MTHFD1L: variants seen among roughly 807,000 people sequenced by gnomAD.
MTHFD1L encodes the protein methylenetetrahydrofolate dehydrogenase (NADP+ dependent) 1 like.
Under a neutral mutation model 119.5 loss-of-function variants are expected in MTHFD1L, and 81 were observed. The observed-to-expected ratio is 0.68, with a 90% CI of 0.57 to 0.82. MTHFD1L has a LOEUF of 0.82. Among genes scored for constraint, MTHFD1L ranks in the 40% least tolerant of loss-of-function variants. The probability of loss-of-function intolerance (pLI) is 0.00; values close to 1 mark genes in which losing one functional copy is unlikely to be tolerated. For synonymous variants in MTHFD1L, 430 were observed against 475.2 expected (o/e 0.90, Z 1.24); for missense variants, 1,125 against 1,253.4 (o/e 0.90, Z 1.55).
At chr6:151,013,905 G>T in intron 22 of MTHFD1L, 85 bp downstream of exon 22, 1 of 1,190,314 alleles carries the variant, frequency 8.4e-7, no homozygotes, top group Non-Finnish European at 1.2e-6. Flanking sequence ...CCCTCCTTCA[G>T]TGGCCTCTTA....
rs144686255 is a variant in MTHFD1L at position 150,940,082 on chromosome 6, T to G, written c.1440+1337T>G. On this transcript the variant is annotated intron_variant, in intron 13 of 27. Transcript: ENST00000367321. ...CCTCTTTACCCAGTTTAGTCAAGGT[T>G]TTTTGTCAAGGTTCTTCTCTACCCC... Among the ~76,000 whole-genome samples the G allele has an allele frequency of 8.5e-5, 13 of 152,258 alleles. 1 individual carries two copies. In the East Asian group the frequency reaches 2.3e-3, roughly 27 times the overall value.
intron 8 of MTHFD1L, among the ~76,000 whole-genome samples, chr6:150,909,490 G>A (rs111997673): frequency 1.8e-4 from 27 of 152,044 alleles, no homozygotes; most frequent in African/African-American, 6.3e-4. Context: ...TAGTCCTCCC[G>A]CCTCCACCTC....
chr6:150,884,553 T>G (rs1224848232), intron 5 of MTHFD1L, among the ~76,000 whole-genome samples: 1 of 152,076 alleles, frequency 6.6e-6, no homozygotes, highest in Non-Finnish European at 1.5e-5. Flanking sequence ...TGAGAAAACT[T>G]TCAGAACTTG....
At chr6:150,994,468 G>C (rs747156468) in intron 20 of MTHFD1L, among the ~76,000 whole-genome samples, 15 of 148,800 alleles carry the variant, frequency 1.0e-4, no homozygotes, top group Admixed American at 2.0e-4. Flanking sequence ...CAGTTCAAGA[G>C]GTTTTCCTAG....
intron 26 of MTHFD1L, among the ~76,000 whole-genome samples, chr6:151,087,129 A>G (rs1281870287): frequency 6.6e-6 from 1 of 151,990 alleles, no homozygotes; most frequent in East Asian, 1.9e-4. Flanking sequence ...GGCACCTGTA[A>G]TCCCAGCTAT....
chr6:151,004,837 A>G (rs1781162216), intron 20 of MTHFD1L, among the ~76,000 whole-genome samples: 1 of 152,362 alleles, frequency 6.6e-6, no homozygotes, highest in East Asian at 1.9e-4. Context: ...AATAGCTGTA[A>G]CAAAAGGGAA....
At chr6:150,981,806 C>A (rs139273752) in intron 20 of MTHFD1L, among the ~76,000 whole-genome samples, 9 of 152,272 alleles carry the variant, frequency 5.9e-5, no homozygotes, top group African/African-American at 1.7e-4. Flanking sequence ...TAAAAGGTGG[C>A]CAGGCACAGT....
intron 18 of MTHFD1L, among the ~76,000 whole-genome samples, chr6:150,960,776 C>T (rs1796326517): frequency 6.6e-6 from 1 of 152,118 alleles, no homozygotes; most frequent in Non-Finnish European, 1.5e-5. Context: ...AAATTGAGGG[C>T]AAATCACCTT....
intron 20 of MTHFD1L, among the ~76,000 whole-genome samples, chr6:151,000,943 G>C (rs1333217336): frequency 6.6e-6 from 1 of 152,180 alleles, no homozygotes; most frequent in Non-Finnish European, 1.5e-5. Flanking sequence ...TTTGTTGTGA[G>C]GAAGCAAAGT....
chr6:151,000,774 A>T (rs1380217612), intron 20 of MTHFD1L, among the ~76,000 whole-genome samples: 1 of 152,190 alleles, frequency 6.6e-6, no homozygotes, highest in East Asian at 1.9e-4. Flanking sequence ...GCCATTGAAT[A>T]AACATGTTTA....
chr6:151,032,684 C>T (rs1785515586), intron 24 of MTHFD1L, among the ~76,000 whole-genome samples: 1 of 152,200 alleles, frequency 6.6e-6, no homozygotes, highest in Non-Finnish European at 1.5e-5. Flanking sequence ...GACGTCTGTA[C>T]AGTGTTAAGT....
At chr6:150,975,116 A>T (rs1485726666) in intron 20 of MTHFD1L, among the ~76,000 whole-genome samples, 2 of 152,196 alleles carry the variant, frequency 1.3e-5, no homozygotes, top group Non-Finnish European at 2.9e-5. Flanking sequence ...CTCATCCTAC[A>T]TTGGACATTT....
chr6:151,039,492 A>G lies in MTHFD1L; in HGVS notation c.2847+2375A>G, dbSNP rs149173409. Among the ~76,000 whole-genome samples, 3,834 of 152,260 alleles carry G rather than the reference A, an allele frequency of 0.025. 107 individuals are homozygous for G. Among genetic ancestry groups the G allele is most frequent in the Admixed American group, 0.092 (1,400 of 15,286 alleles). ...TGGACTCAAACTCCTGGGCTCAAGC[A>G]ATCCTCCCACCTCAGCTTCCCAAGT... is the stretch of plus-strand genomic sequence containing the variant. On this transcript the variant is annotated intron_variant, in intron 26 of 27. Coordinates refer to ENST00000367321, the MANE Select transcript of MTHFD1L (RefSeq NM_015440.5). The surrounding 1 kb of genome is among the most constrained non-coding windows in gnomAD (Gnocchi z 4.4).
chr6:151,020,726 A>G (rs1783832995), intron 24 of MTHFD1L, among the ~76,000 whole-genome samples: 1 of 152,210 alleles, frequency 6.6e-6, no homozygotes, highest in Non-Finnish European at 1.5e-5. Flanking sequence ...CCTTTTAAGA[A>G]GCTGTTAAAA....
rs1219027565 is a variant in MTHFD1L at position 151,092,566 on chromosome 6, G to A, written c.*10G>A. On this transcript the variant is annotated 3_prime_UTR_variant, in exon 27 of 28. Transcript: ENST00000367321. ...TAAAGGCTTGTTCTAAGTGGACAAG[G>A]CTCTCACAGGACCCGATGCAGGTAG... 1.2e-6 allele frequency: 2 copies of A among 1,609,086 alleles called. No individual in the cohort carries two copies. The highest frequency in any genetic ancestry group is 1.7e-6 in the Non-Finnish European group (2 of 1,176,708).
At chr6:150,919,870 ATTGT>A (rs1484235830) in intron 9 of MTHFD1L, among the ~76,000 whole-genome samples, 1 of 152,154 alleles carries the variant, frequency 6.6e-6, no homozygotes, top group Non-Finnish European at 1.5e-5. Flanking sequence ...ACTATATCAA[ATTGT>A]TTAGGCTCAG....
rs534731964 is a variant in MTHFD1L, at chr6:151,036,588, C to G, written c.2695-377C>G. ...GAGTGAACAACATGAGTAAGAGCCT[C>G]GTCGCAGAGCCTTTCTCCAGACTAC... On this transcript the variant is annotated intron_variant, in intron 25 of 27. Coordinates refer to ENST00000367321, the MANE Select transcript of MTHFD1L (RefSeq NM_015440.5). 1.8e-4 allele frequency among the ~76,000 whole-genome samples: 28 copies of G among 152,260 alleles called. 1 individual carries two copies. The South Asian group carries it at 5.6e-3, about 30-fold the overall frequency.
At chr6:151,067,195 C>T (rs910042502) in intron 26 of MTHFD1L, among the ~76,000 whole-genome samples, 2 of 151,900 alleles carry the variant, frequency 1.3e-5, no homozygotes, top group Non-Finnish European at 1.5e-5. Flanking sequence ...GGTTTCACCA[C>T]GTTGGTCAGG....
At chr6:151,008,642 G>GACCT (rs1584098475) in intron 20 of MTHFD1L, among the ~76,000 whole-genome samples, 1 of 152,144 alleles carries the variant, frequency 6.6e-6, no homozygotes, top group Admixed American at 6.5e-5. Flanking sequence ...AGGCAGCTGT[G>GACCT]ACCTTTCTAG....
Sources: gnomAD v4.1 joint callset for allele counts (sites outside exome capture counted in the v4.1 genomes callset) on GRCh38, gnomAD v4.1.1 for gene constraint, Gnocchi (gnomAD v3.1) non-coding constraint, MANE v1.5 for transcripts, NCBI Gene and HGNC (gene_info 2026-07-23, HGNC 2026-07-21) for gene names.